The following DYNLT2B variants were observed in gnomAD, a reference collection of about 807,000 sequenced individuals.
DYNLT2B encodes the protein dynein light chain Tctex-type 2B, also known as dynein light chain Tctex-type protein 2B.
A neutral mutation model predicts 19.5 loss-of-function variants in DYNLT2B; 14 were observed. The observed-to-expected ratio is 0.72, with a 90% CI of 0.47 to 1.12. The LOEUF is 1.12. Among genes scored for constraint, DYNLT2B ranks in the 50% most tolerant of loss-of-function variants. The probability of loss-of-function intolerance (pLI) is 0.00; values close to 1 mark genes in which losing one functional copy is unlikely to be tolerated. For missense variants in DYNLT2B, 133 were observed against 174.7 expected, an observed-to-expected ratio of 0.76 and a Z score of 1.35; for synonymous variants, 70 against 59.7, an observed-to-expected ratio of 1.17 and a Z score of -0.79.
At chr3:196,310,760 G>A (rs1172549610) in intron 2 of DYNLT2B, among the ~76,000 whole-genome samples, 1 of 151,026 alleles carries the variant, frequency 6.6e-6, no homozygotes, top group Non-Finnish European at 1.5e-5. Flanking sequence ...TTTGGAGATA[G>A]GGTCTCCCTC....
intron 3 of DYNLT2B, among the ~76,000 whole-genome samples, chr3:196,298,469 AC>A (rs1339080033): frequency 6.6e-6 from 1 of 151,936 alleles, no homozygotes; most frequent in African/African-American, 2.4e-5. Flanking sequence ...GTGCATTACC[AC>A]GCCTGGCTAA....
intron 2 of DYNLT2B, among the ~76,000 whole-genome samples, chr3:196,313,863 C>T (rs1485468285): frequency 2.6e-5 from 4 of 151,994 alleles, no homozygotes; most frequent in African/African-American, 4.8e-5. Flanking sequence ...TTTGGGAGGC[C>T]GAGGCGGACG....
intron 2 of DYNLT2B, among the ~76,000 whole-genome samples, chr3:196,311,125 A>G (rs1355212935): frequency 6.6e-6 from 1 of 152,200 alleles, no homozygotes; most frequent in Non-Finnish European, 1.5e-5. Flanking sequence ...ATCATTCCAG[A>G]ACTAATAAAT....
intron 2 of DYNLT2B, among the ~76,000 whole-genome samples, chr3:196,311,338 C>T (rs1435037974): frequency 2.6e-5 from 4 of 151,338 alleles, no homozygotes; most frequent in African/African-American, 7.3e-5. Context: ...TTGCTTGAGG[C>T]TGCAGTGAGC....
chr3:196,296,312 C>T (rs1450217005), intron 3 of DYNLT2B: 1 of 432,034 alleles, frequency 2.3e-6, no homozygotes, highest in African/African-American at 2.0e-5. Context: ...CTGACAGCCT[C>T]AGACCCTACC....
chr3:196,293,223 A>T (rs1332237859), intron 4 of DYNLT2B, among the ~76,000 whole-genome samples: 1 of 152,210 alleles, frequency 6.6e-6, no homozygotes, highest in Non-Finnish European at 1.5e-5. Context: ...ATAGGCAGAA[A>T]CCATGCCTGT....
At chr3:196,315,230 GTTTT>G (rs200500616) in intron 2 of DYNLT2B, 1 of 416,240 alleles carries the variant, frequency 2.4e-6, no homozygotes, top group Non-Finnish European at 4.7e-6. Flanking sequence ...TTCTATTTAC[GTTTT>G]TTTAATAGAG....
chr3:196,314,165 T>C (rs1285541056), intron 2 of DYNLT2B, among the ~76,000 whole-genome samples: 4 of 151,880 alleles, frequency 2.6e-5, no homozygotes, highest in African/African-American at 9.7e-5. Flanking sequence ...GTATTACTTT[T>C]ATGAAGATAT....
chr3:196,294,466 G>A (rs770007573), intron 4 of DYNLT2B, among the ~76,000 whole-genome samples: 1 of 152,150 alleles, frequency 6.6e-6, no homozygotes, highest in African/African-American at 2.4e-5. Context: ...AGAATCATGG[G>A]GAACTTTTTA....
intron 2 of DYNLT2B, among the ~76,000 whole-genome samples, chr3:196,310,269 T>A (rs79113615): frequency 1.5e-5 from 1 of 65,258 alleles, no homozygotes; most frequent in Non-Finnish European, 3.4e-5. Context: ...GCTCGGCTAA[T>A]TTTTTTTTTT....
chr3:196,314,040 G>T (rs1726707917), intron 2 of DYNLT2B, among the ~76,000 whole-genome samples: 1 of 152,068 alleles, frequency 6.6e-6, no homozygotes, highest in African/African-American at 2.4e-5. Flanking sequence ...GGAGATTGCA[G>T]TGAGCCAAGA....
rs557608731 is a variant in DYNLT2B at position 196,295,387 on chromosome 3, C to G, written c.381+619G>C. Among the ~76,000 whole-genome samples the G allele has an allele frequency of 9.1e-4, 139 of 152,222 alleles. 1 individual carries two copies. The highest frequency in any genetic ancestry group is 3.3e-3 in the African/African-American group (136 of 41,536). On this transcript the variant is annotated intron_variant, in intron 4 of 4. Transcript: ENST00000325318. ...TGTTGGCCAGGCTGGTCTTGAACTC[C>G]TGACCTCAGGTGATCCGCCCTCCTT...
chr3:196,308,767 A>T (rs1425319684), intron 2 of DYNLT2B, among the ~76,000 whole-genome samples: 1 of 152,246 alleles, frequency 6.6e-6, no homozygotes, highest in Admixed American at 6.5e-5. Context: ...TATTTTTAAA[A>T]AACACTGCAC....
intron 4 of DYNLT2B, among the ~76,000 whole-genome samples, chr3:196,295,252 C>T (rs550079892): frequency 2.0e-5 from 3 of 152,234 alleles, no homozygotes; most frequent in Admixed American, 6.5e-5. Context: ...CCTCTGCCTC[C>T]GGGGTTCAAG....
Position 196,293,626 on chromosome 3 carries a change from A to AAAACAAAC in DYNLT2B, c.382-2260_382-2253dup, listed in dbSNP as rs112774319. 3.0e-4 allele frequency among the ~76,000 whole-genome samples: 44 copies of AAAACAAAC among 144,778 alleles called. No individual in the cohort carries two copies. The East Asian group carries it at 7.6e-3, about 25-fold the overall frequency. 95.0% of individuals were successfully genotyped at this position (144,778 alleles called of 152,430 possible). ...AGGTGACAGAGTGAGACTCCGTCTC[A>AAAACAAAC]AAACAAACAAACAAGATGCATTTTT... On this transcript the variant is annotated intron_variant, in intron 4 of 4. Transcript: ENST00000325318.
chr3:196,295,945 T>C (rs533025910), intron 4 of DYNLT2B, 61 bp downstream of exon 4: 2 of 1,330,122 alleles, frequency 1.5e-6, no homozygotes, highest in African/African-American at 2.9e-5. Context: ...CAACAGTAAA[T>C]AGTTTGATTT....
chr3:196,299,167 C>T (rs1171867829), intron 3 of DYNLT2B, among the ~76,000 whole-genome samples: 1 of 151,894 alleles, frequency 6.6e-6, no homozygotes, highest in African/African-American at 2.4e-5. Flanking sequence ...TCACTGCAAC[C>T]ACAACCTCCC....
intron 4 of DYNLT2B, among the ~76,000 whole-genome samples, chr3:196,294,896 G>A (rs1286981008): frequency 2.0e-5 from 3 of 151,798 alleles, no homozygotes; most frequent in African/African-American, 7.3e-5. Context: ...CACCACACCC[G>A]GCTAATTTTT....
At chr3:196,303,674 A>G (rs1311978581) in intron 3 of DYNLT2B, among the ~76,000 whole-genome samples, 1 of 152,218 alleles carries the variant, frequency 6.6e-6, no homozygotes, top group Non-Finnish European at 1.5e-5. Flanking sequence ...GATGAAAAAC[A>G]AGAAAGTCTG....
Sources: allele counts gnomAD v4.1 joint callset (sites outside exome capture counted in the v4.1 genomes callset), GRCh38; gene constraint gnomAD v4.1.1; transcripts MANE v1.5; gene names NCBI Gene and HGNC (gene_info 2026-07-23, HGNC 2026-07-21).